The following ASIC2 variants were observed in gnomAD, a reference collection of about 807,000 sequenced individuals.
The protein encoded by ASIC2 is acid-sensing ion channel 2.
In ASIC2, 25 loss-of-function variants were observed where a neutral mutation model predicts 57.3. That is an observed-to-expected ratio of 0.44 (90% CI 0.32 to 0.61). The LOEUF (loss-of-function observed/expected upper bound fraction) is 0.61. ASIC2 is among the 20% of genes least tolerant of loss of function. ASIC2 has a pLI of 0.06. For synonymous variants in ASIC2, 319 were observed against 307.5 expected (o/e 1.04, Z -0.39); for missense variants, 641 against 738.1 (o/e 0.87, Z 1.52).
intron 1 of ASIC2, among the ~76,000 whole-genome samples, chr17:33,634,484 G>C (rs547406807): frequency 6.6e-6 from 1 of 151,594 alleles, no homozygotes; most frequent in East Asian, 1.9e-4. Flanking sequence ...GCTTGATACT[G>C]GATATTCAGA....
chr17:33,443,199 T>A (rs1911884789), intron 1 of ASIC2, among the ~76,000 whole-genome samples: 2 of 152,138 alleles, frequency 1.3e-5, no homozygotes, highest in Non-Finnish European at 2.9e-5. Flanking sequence ...TTGTACAGGA[T>A]ATTGGTCTGC....
chr17:33,456,536 A>AT (rs1782441091), intron 1 of ASIC2, among the ~76,000 whole-genome samples: 1 of 152,076 alleles, frequency 6.6e-6, no homozygotes, highest in African/African-American at 2.4e-5. Flanking sequence ...CATCTTTCTG[A>AT]TGGCATGTCT....
chr17:34,073,997 C>A (rs1404627532), intron 1 of ASIC2, among the ~76,000 whole-genome samples: 1 of 152,204 alleles, frequency 6.6e-6, no homozygotes, highest in Non-Finnish European at 1.5e-5. Context: ...ATACGGCCTT[C>A]AGTTCCTTCT....
intron 3 of ASIC2, among the ~76,000 whole-genome samples, chr17:33,061,997 C>T (rs914023117): frequency 1.1e-4 from 17 of 152,226 alleles, no homozygotes; most frequent in African/African-American, 2.6e-4. Context: ...TCTGTGGGAT[C>T]GGTGGTGATA....
At chr17:33,592,389 A>G (rs536289304) in intron 1 of ASIC2, among the ~76,000 whole-genome samples, 4 of 152,346 alleles carry the variant, frequency 2.6e-5, no homozygotes, top group African/African-American at 4.8e-5. Flanking sequence ...GCCAGCCTCT[A>G]TCTCATACCG....
At chr17:33,626,264 C>G (rs143757474) in intron 1 of ASIC2, among the ~76,000 whole-genome samples, 18 of 152,248 alleles carry the variant, frequency 1.2e-4, no homozygotes, top group South Asian at 6.2e-4. Flanking sequence ...AGGACTAGAA[C>G]GTCGTGCAAA....
At chr17:33,917,596 C>T (rs996496441) in intron 1 of ASIC2, among the ~76,000 whole-genome samples, 7 of 152,140 alleles carry the variant, frequency 4.6e-5, no homozygotes, top group South Asian at 2.1e-4. Flanking sequence ...TTCCACACTC[C>T]GGTTTCTTCT....
chr17:33,044,557 TC>T (rs1392358186), intron 3 of ASIC2, among the ~76,000 whole-genome samples: 1 of 152,118 alleles, frequency 6.6e-6, no homozygotes, highest in Admixed American at 6.6e-5. Context: ...AGATGGGGTT[TC>T]ACCATGTTGG....
chr17:33,741,787 T>C (rs1031156248), intron 1 of ASIC2, among the ~76,000 whole-genome samples: 7 of 152,224 alleles, frequency 4.6e-5, no homozygotes, highest in Non-Finnish European at 5.9e-5. Flanking sequence ...AGGCAGGCTA[T>C]GGCATTGATT....
intron 1 of ASIC2, among the ~76,000 whole-genome samples, chr17:33,420,256 C>T (rs2141971129): frequency 6.6e-6 from 1 of 152,278 alleles, no homozygotes; most frequent in Admixed American, 6.5e-5. Flanking sequence ...AGTGGGAAAG[C>T]TATGGTTCAT....
chr17:34,111,639 G>T (rs911803180), intron 1 of ASIC2, among the ~76,000 whole-genome samples: 1 of 152,132 alleles, frequency 6.6e-6, no homozygotes, highest in Admixed American at 6.5e-5. Context: ...ATGGCTAAGT[G>T]ACTTACCTGA....
At chr17:34,151,673 A>G (rs1453980852) in intron 1 of ASIC2, among the ~76,000 whole-genome samples, 1 of 152,198 alleles carries the variant, frequency 6.6e-6, no homozygotes, top group Non-Finnish European at 1.5e-5. Flanking sequence ...TACCACCAAC[A>G]CAGCAGTTGC....
intron 1 of ASIC2, among the ~76,000 whole-genome samples, chr17:33,639,113 C>A (rs1409439409): frequency 6.6e-6 from 1 of 151,660 alleles, no homozygotes; most frequent in Non-Finnish European, 1.5e-5. Flanking sequence ...TGGGGAGACC[C>A]AACCAGCCAA....
At chr17:33,534,673 C>G (rs556641618) in intron 1 of ASIC2, 1 of 152,310 alleles carries the variant, frequency 6.6e-6, no homozygotes, top group African/African-American at 2.4e-5. Context: ...CAAAGAATTC[C>G]TAGAACATTG....
intron 1 of ASIC2, among the ~76,000 whole-genome samples, chr17:34,049,917 T>C (rs1908489821): frequency 6.6e-6 from 1 of 152,204 alleles, no homozygotes; most frequent in Admixed American, 6.5e-5. Flanking sequence ...TCTGTTTACC[T>C]GCCTGACTCC....
At position 33,948,923 on chromosome 17, in the gene ASIC2, C is replaced by T. The variant is rs971584898; in HGVS notation, c.555+207055G>A. On this transcript the variant is annotated intron_variant, in intron 1 of 9. Transcript: ENST00000359872. ...AGAGTAGATCTTTTAGGTATGCAGG[C>T]CAAAGGGTCTTCGTTGCAACTACTC... Among the ~76,000 whole-genome samples the T allele has an allele frequency of 2.0e-5, 3 of 152,076 alleles. No homozygotes were observed. In the East Asian group the frequency reaches 5.8e-4, roughly 29 times the overall value.
intron 1 of ASIC2, among the ~76,000 whole-genome samples, chr17:34,011,340 T>A (rs1026011885): frequency 6.6e-6 from 1 of 152,168 alleles, no homozygotes; most frequent in Non-Finnish European, 1.5e-5. Flanking sequence ...ACTTAAGGTC[T>A]ATTTTTTTGG....
At chr17:33,475,599 G>T (rs986289855) in intron 1 of ASIC2, among the ~76,000 whole-genome samples, 1 of 152,202 alleles carries the variant, frequency 6.6e-6, no homozygotes, top group Non-Finnish European at 1.5e-5. Context: ...GTTAAGTAAC[G>T]ATGTCTGGTT....
At chr17:33,772,840 T>G (rs1597870155) in intron 1 of ASIC2, among the ~76,000 whole-genome samples, 1 of 152,162 alleles carries the variant, frequency 6.6e-6, no homozygotes, top group South Asian at 2.1e-4. Flanking sequence ...ACTGGCTGTG[T>G]GGTCTTGTTG....
Sources: gnomAD v4.1 joint callset for allele counts (sites outside exome capture counted in the v4.1 genomes callset) on GRCh38, gnomAD v4.1.1 for gene constraint, MANE v1.5 for transcripts, NCBI Gene and HGNC (gene_info 2026-07-23, HGNC 2026-07-21) for gene names.